Variants in AGPS observed in about 807,000 individuals in gnomAD.
AGPS encodes the protein alkylglycerone phosphate synthase, also known as alkyldihydroxyacetonephosphate synthase, peroxisomal.
In AGPS, 26 loss-of-function variants were observed where a neutral mutation model predicts 90.7. The ratio of observed to expected loss-of-function variants is 0.29; its 90% confidence interval spans 0.21 to 0.40. The LOEUF is 0.40. Among genes scored for constraint, AGPS ranks in the 10% least tolerant of loss-of-function variants. The pLI is 1.00. For missense variants in AGPS, 540 were observed against 816.1 expected, an observed-to-expected ratio of 0.66 and a Z score of 4.12; for synonymous variants, 294 against 285.3, an observed-to-expected ratio of 1.03 and a Z score of -0.31.
intron 13 of AGPS, among the ~76,000 whole-genome samples, chr2:177,498,678 T>C (rs1266320961): frequency 6.6e-6 from 1 of 151,648 alleles, no homozygotes; most frequent in Admixed American, 6.6e-5. Context: ...AATTTTATTA[T>C]GTGAAAAAGA....
At position 177,521,355 on chromosome 2, in the gene AGPS, T is replaced by C; in HGVS notation, c.1784T>C (p.Phe595Ser). 1 of 1,613,630 alleles carries C rather than the reference T, an allele frequency of 6.2e-7. No homozygotes were observed. The highest frequency in any genetic ancestry group is 1.1e-5 in the South Asian group (1 of 91,080). The change falls in exon 18 of 20, where the codon TTT becomes TCT. Residue 595 changes from phenylalanine (F) to serine (S), a missense_variant. Phe to Ser is a radical substitution (Grantham distance 155). Around this residue, in one of 2 missense-constraint regions of AGPS, gnomAD observed 405 missense variants for 692.1 expected, o/e 0.59. Coordinates refer to ENST00000264167, the MANE Select transcript of AGPS (RefSeq NM_003659.4). ...GGAATTAGTGACCCACTGACCGTAT[T>C]TGAACAAACTGAGGTAATTTTGCAT... ...YRGISDPLTV[F>S]EQTEAAAREE... is the part of the protein sequence containing the mutation.
At chr2:177,500,068 A>C (rs2105712417) in intron 14 of AGPS, among the ~76,000 whole-genome samples, 2 of 152,024 alleles carry the variant, frequency 1.3e-5, no homozygotes, top group South Asian at 4.2e-4. Context: ...TAGAAAATTC[A>C]TTGTCCTCTT....
chr2:177,445,473 A>G, intron 7 of AGPS, 73 bp from the exon 8 acceptor site: 1 of 1,317,978 alleles, frequency 7.6e-7, no homozygotes, highest in Non-Finnish European at 1.1e-6. Context: ...GTTGCTTTGA[A>G]TTAGGAAGTT....
intron 13 of AGPS, 102 bp from the exon 14 acceptor site, chr2:177,499,516 G>A: frequency 1.4e-6 from 1 of 721,496 alleles, no homozygotes; most frequent in Non-Finnish European, 2.3e-6. Context: ...AGAAATCAGT[G>A]TATTTGAGCC....
At chr2:177,406,209 C>T (rs1685463677) in intron 1 of AGPS, among the ~76,000 whole-genome samples, 1 of 152,214 alleles carries the variant, frequency 6.6e-6, no homozygotes, top group African/African-American at 2.4e-5. Flanking sequence ...CTAGCCTGGT[C>T]TCCCTTTCTT....
chr2:177,484,616 G>C (rs1372567110), intron 11 of AGPS, among the ~76,000 whole-genome samples: 3 of 152,004 alleles, frequency 2.0e-5, no homozygotes, highest in African/African-American at 7.2e-5. Flanking sequence ...AAATTGCTGG[G>C]ATTACAGTCG....
intron 1 of AGPS, among the ~76,000 whole-genome samples, chr2:177,409,672 A>C (rs1454617875): frequency 6.6e-6 from 1 of 152,142 alleles, no homozygotes; most frequent in African/African-American, 2.4e-5. Flanking sequence ...AGTAGGGGTC[A>C]TGCAGTTCAG....
Position 177,442,429 on chromosome 2 carries a change from C to G in AGPS, c.732C>G (p.Gly244=). 1 of 1,613,684 alleles carries G rather than the reference C, an allele frequency of 6.2e-7. No homozygotes were observed. The highest frequency in any genetic ancestry group is 1.3e-5 in the African/African-American group (1 of 75,016). ...CAGGAGGAACAAGTGTTTCATATGGCCTGATGTGTCCTGCAGATGAGACAA... is the reference window on the plus strand; with the variant it reads ...CAGGAGGAACAAGTGTTTCATATGGGCTGATGTGTCCTGCAGATGAGACAA... The part of the protein sequence containing the change: ...PIGGGTSVSY[G]LMCPADETRT... The change falls in exon 7 of 20, where the codon GGC becomes GGG. Residue 244 remains glycine (G), a synonymous_variant. Coordinates refer to ENST00000264167, the MANE Select transcript of AGPS (RefSeq NM_003659.4).
chr2:177,450,659 C>T (rs1686910388), intron 8 of AGPS, among the ~76,000 whole-genome samples: 2 of 152,018 alleles, frequency 1.3e-5, no homozygotes, highest in African/African-American at 4.8e-5. Context: ...TAATACTATA[C>T]TGTTTGGATT....
intron 8 of AGPS, among the ~76,000 whole-genome samples, chr2:177,446,041 G>C (rs1206759641): frequency 1.3e-5 from 2 of 152,040 alleles, no homozygotes; most frequent in Admixed American, 6.6e-5. Context: ...CAGTGGCAAA[G>C]GACACAGCAT....
chr2:177,463,462 G>A lies in AGPS; in HGVS notation c.996+1444G>A, dbSNP rs117767954. 1.8e-3 allele frequency among the ~76,000 whole-genome samples: 275 copies of A among 152,224 alleles called. 6 individuals are homozygous for A. In the East Asian group the frequency reaches 0.023, roughly 13 times the overall value. Reference sequence around the variant, plus strand: ...TTTAATTTGAGACTATTAAAGTGATGTTCCCAACATTATTCCTGGAGCTAT... The same window carrying A: ...TTTAATTTGAGACTATTAAAGTGATATTCCCAACATTATTCCTGGAGCTAT... On this transcript the variant is annotated intron_variant, in intron 9 of 19. Transcript: ENST00000264167.
At chr2:177,423,955 G>A (rs1328615819) in intron 2 of AGPS, among the ~76,000 whole-genome samples, 2 of 151,654 alleles carry the variant, frequency 1.3e-5, no homozygotes, top group Non-Finnish European at 2.9e-5. Context: ...TTTTCCTTCA[G>A]CTTTTAAGTT....
chr2:177,511,803 G>T (rs141806064), intron 16 of AGPS, among the ~76,000 whole-genome samples: 2 of 152,196 alleles, frequency 1.3e-5, no homozygotes, highest in African/African-American at 2.4e-5. Context: ...ATCATTTACT[G>T]AAAGTGTCCC....
chr2:177,468,867 G>T (rs1687532140), intron 10 of AGPS, among the ~76,000 whole-genome samples: 1 of 152,012 alleles, frequency 6.6e-6, no homozygotes, highest in Admixed American at 6.5e-5. Context: ...ATTATCGGAG[G>T]AAAGGATTGA....
chr2:177,438,906 C>T (rs564357181), intron 5 of AGPS, among the ~76,000 whole-genome samples: 2 of 152,034 alleles, frequency 1.3e-5, no homozygotes, highest in Admixed American at 1.3e-4. Flanking sequence ...TTGCAGGAGG[C>T]CTAGTTTTGA....
intron 8 of AGPS, among the ~76,000 whole-genome samples, chr2:177,450,741 C>T (rs928215639): frequency 2.0e-5 from 3 of 151,610 alleles, no homozygotes; most frequent in African/African-American, 7.3e-5. Context: ...TCTATATGAA[C>T]TTCATGTTCA....
At chr2:177,463,944 A>G (rs552344892) in intron 9 of AGPS, among the ~76,000 whole-genome samples, 4 of 151,930 alleles carry the variant, frequency 2.6e-5, no homozygotes, top group East Asian at 3.9e-4. Context: ...ATTTTATTTT[A>G]TTTTGTTTGT....
intron 3 of AGPS, 133 bp from the exon 4 acceptor site, chr2:177,436,631 T>A (rs1362956935): frequency 3.7e-6 from 3 of 802,088 alleles, no homozygotes; most frequent in Non-Finnish European, 6.1e-6. Flanking sequence ...TATGTTGTGT[T>A]GTATTTTCCT....
intron 12 of AGPS, among the ~76,000 whole-genome samples, chr2:177,495,866 C>T (rs1688397266): frequency 7.4e-6 from 1 of 135,224 alleles, no homozygotes; most frequent in Non-Finnish European, 1.5e-5. Context: ...TGCTGTGAGC[C>T]GAGATCACAC....
Sources: gnomAD v4.1 joint callset for allele counts (sites outside exome capture counted in the v4.1 genomes callset) on GRCh38, gnomAD v4.1.1 for gene constraint, gnomAD v4.1.1 regional missense constraint, MANE v1.5 for transcripts, NCBI Gene and HGNC (gene_info 2026-07-23, HGNC 2026-07-21) for gene names.